Variants in PMPCA observed in about 807,000 individuals in gnomAD.
PMPCA encodes mitochondrial-processing peptidase subunit alpha.
In PMPCA, 47 loss-of-function variants were observed where a neutral mutation model predicts 59.3. The ratio of observed to expected loss-of-function variants is 0.79; its 90% CI spans 0.63 to 1.01. The LOEUF (loss-of-function observed/expected upper bound fraction) is 1.01, where lower values mean the gene tolerates loss of function less well. Ranked by LOEUF, PMPCA falls within the 50% of genes least tolerant of loss-of-function variation. PMPCA has a pLI of 0.00. For synonymous variants in PMPCA, 338 were observed against 290.3 expected (o/e 1.16, Z -1.67); for missense variants, 726 against 704.5 (o/e 1.03, Z -0.34).
At chr9:136,415,167 A>G (rs1250012202) in intron 5 of PMPCA, among the ~76,000 whole-genome samples, 2 of 152,106 alleles carry the variant, frequency 1.3e-5, no homozygotes, top group East Asian at 3.9e-4. Flanking sequence ...GCATTTAGGG[A>G]TGTAGAGATG....
chr9:136,421,142 G>T (rs10870163), intron 11 of PMPCA, among the ~76,000 whole-genome samples: 1 of 152,126 alleles, frequency 6.6e-6, no homozygotes, highest in Admixed American at 6.5e-5. Flanking sequence ...TGCGCCGGAG[G>T]CGTCTGGGGA....
chr9:136,422,948 G>T (rs1200418621), intron 12 of PMPCA, 147 bp from the exon 13 acceptor site: 1 of 1,443,868 alleles, frequency 6.9e-7, no homozygotes, highest in Non-Finnish European at 9.1e-7. Flanking sequence ...TACACCCAGT[G>T]GCTGCCTTTG....
intron 1 of PMPCA, 141 bp from the exon 2 acceptor site, chr9:136,411,856 C>T: frequency 1.5e-6 from 1 of 648,812 alleles, no homozygotes; most frequent in Non-Finnish European, 2.8e-6. Flanking sequence ...GCTTTGTCTT[C>T]CAAAGTCTGT....
intron 11 of PMPCA, among the ~76,000 whole-genome samples, chr9:136,421,560 C>T (rs1200935212): frequency 6.6e-6 from 1 of 152,098 alleles, no homozygotes; most frequent in African/African-American, 2.4e-5. Context: ...CAGGCGCCCG[C>T]CACCACGCCC....
Position 136,419,034 on chromosome 9 carries a change from T to C in PMPCA, c.1201-10T>C, listed in dbSNP as rs1835368835. 1.2e-6 allele frequency: 2 copies of C among 1,613,554 alleles called. No individual in the cohort carries two copies. Among genetic ancestry groups the C allele is most frequent in the African/African-American group, 2.7e-5 (2 of 74,930 alleles). On this transcript the variant is annotated splice_polypyrimidine_tract_variant and intron_variant, in intron 10 of 12. Coordinates refer to ENST00000371717, the MANE Select transcript of PMPCA (RefSeq NM_015160.3). ...AGGCCACACTGTTATCGTCTTGCCC[T>C]TCTTCGCAGGTTCGAGAAATGGTAG...
intron 4 of PMPCA, 45 bp from the exon 5 acceptor site, chr9:136,414,508 G>T (rs1211428815): frequency 1.5e-6 from 2 of 1,293,938 alleles, no homozygotes; most frequent in Non-Finnish European, 2.2e-6. Flanking sequence ...GTTAAGCAGA[G>T]TGTGAGTTCA....
In PMPCA at chr9:136,413,617, C is replaced by G. The variant is rs550033982; in HGVS notation, c.437+725C>G. ...CTAAAACAAGGCCTCTTAATACCCC[C>G]TGACTCCCAGCTGCCCCTGCCAGGT... is the stretch of plus-strand genomic sequence containing the variant. On this transcript the variant is annotated intron_variant, in intron 4 of 12. Transcript: ENST00000371717. 4.7e-3 allele frequency among the ~76,000 whole-genome samples: 710 copies of G among 152,304 alleles called. 8 individuals carry two copies. The highest frequency in any genetic ancestry group is 0.016 in the African/African-American group (672 of 41,564).
rs149519003 is a variant in PMPCA, at chr9:136,423,261, G to A, written c.1575G>A (p.Arg525=). The A allele has an allele frequency of 5.0e-5, 80 of 1,610,854 alleles. No individual in the cohort carries two copies. The highest frequency in any genetic ancestry group is 6.4e-5 in the Non-Finnish European group (76 of 1,178,788). ...TGCCCAGGACGTACCGGCTCTTCCGGTAGAACCGCTCCCCGGCCTGACAGA... is the reference window on the plus strand; with the variant it reads ...TGCCCAGGACGTACCGGCTCTTCCGATAGAACCGCTCCCCGGCCTGACAGA... ...GRLPRTYRLF[R] is the part of the protein sequence containing the mutation. The change falls in exon 13 of 13, where the codon CGG becomes CGA. Residue 525 remains arginine (R), a synonymous_variant. Coordinates refer to ENST00000371717, the MANE Select transcript of PMPCA (RefSeq NM_015160.3).
At chr9:136,422,901 G>C in intron 12 of PMPCA, 194 bp from the exon 13 acceptor site, 1 of 1,393,972 alleles carries the variant, frequency 7.2e-7, no homozygotes, top group Non-Finnish European at 9.3e-7. Flanking sequence ...CATTTACTGA[G>C]AACTCAACGT....
At position 136,418,554 on chromosome 9, in the gene PMPCA, G is replaced by A. The variant is rs1835350252; in HGVS notation, c.991-1G>A. Reference sequence around the variant, plus strand: ...GCCAGCTCTGCCCTCCGTCCCTGCAGGAGGAGGACTTCATCCCCTTTGCAG... The same window carrying A: ...GCCAGCTCTGCCCTCCGTCCCTGCAAGAGGAGGACTTCATCCCCTTTGCAG... On this transcript the variant is annotated splice_acceptor_variant, in intron 8 of 12. Transcript: ENST00000371717. LOFTEE classifies it high-confidence loss of function. 1.3e-6 allele frequency: 2 copies of A among 1,596,800 alleles called. No homozygotes were observed. Among genetic ancestry groups the A allele is most frequent in the Non-Finnish European group, 1.7e-6 (2 of 1,164,248 alleles).
intron 11 of PMPCA, chr9:136,421,077 C>T (rs1040361786): frequency 1.3e-5 from 2 of 152,266 alleles, no homozygotes; most frequent in Admixed American, 6.5e-5. Context: ...CTAGGACCCG[C>T]ACTGCCTCCC....
At chr9:136,422,045 C>A in intron 12 of PMPCA, 69 bp downstream of exon 12, 1 of 1,554,790 alleles carries the variant, frequency 6.4e-7, no homozygotes, top group South Asian at 1.2e-5. Context: ...CCGTCTCGCC[C>A]TCCCGCAGGC....
Position 136,418,593 on chromosome 9 carries a change from G to C in PMPCA, c.1029G>C (p.Met343Ile). The change falls in exon 9 of 13, where the codon ATG becomes ATC. Residue 343 changes from methionine to isoleucine, a missense_variant. Coordinates refer to ENST00000371717, the MANE Select transcript of PMPCA (RefSeq NM_015160.3). ...DFIPFAVLNMMMGGGGSFSAG... is the reference protein window; with the variant it reads ...DFIPFAVLNMIMGGGGSFSAG... The stretch of plus-strand genomic sequence containing the variant: ...TCCCCTTTGCAGTGTTGAACATGAT[G>C]ATGGGCGGAGGTGGCTCCTTCTCGG... The C allele has an allele frequency of 6.2e-7, 1 of 1,613,886 alleles. No homozygotes were observed. Among genetic ancestry groups the C allele is most frequent in the Admixed American group, 1.7e-5 (1 of 60,028 alleles).
chr9:136,414,298 G>A (rs963267190), intron 4 of PMPCA, among the ~76,000 whole-genome samples: 1 of 152,244 alleles, frequency 6.6e-6, no homozygotes, highest in Non-Finnish European at 1.5e-5. Flanking sequence ...GGGGAAAAGT[G>A]TCTGCTGTTC....
intron 1 of PMPCA, chr9:136,410,976 C>T (rs1835086445): frequency 5.1e-6 from 2 of 393,556 alleles, no homozygotes; most frequent in Non-Finnish European, 9.0e-6. Flanking sequence ...CCCTCACTTC[C>T]CGGGTCGACG....
intron 12 of PMPCA, chr9:136,422,271 A>AGTTAGTAGGC: frequency 7.6e-7 from 1 of 1,318,598 alleles, no homozygotes; most frequent in Non-Finnish European, 9.8e-7. Flanking sequence ...AGAGCACTCA[A>AGTTAGTAGGC]GTTAGTAGGC....
intron 11 of PMPCA, chr9:136,419,420 T>C: frequency 2.0e-6 from 1 of 495,960 alleles, no homozygotes; most frequent in Non-Finnish European, 3.7e-6. Flanking sequence ...CATGTGACTC[T>C]CTCAGCTTTG....
rs1038355921 is a variant in PMPCA, at chr9:136,422,879, T to C, written c.1409-216T>C. On this transcript the variant is annotated intron_variant, in intron 12 of 12. Transcript: ENST00000371717. Reference sequence around the variant, plus strand: ...GGCTTTGTCCTATATTTTTAAGTCATTGCCATGTCCCCATTTACTGAGAAC... The same window carrying C: ...GGCTTTGTCCTATATTTTTAAGTCACTGCCATGTCCCCATTTACTGAGAAC... The C allele has an allele frequency of 4.4e-6, 6 of 1,377,850 alleles. No homozygotes were observed. The Admixed American group carries it at 1.2e-4, about 28-fold the overall frequency. 85.4% of individuals were successfully genotyped at this position (1,377,850 alleles called of 1,614,324 possible).
At chr9:136,417,404 C>T (rs913604498) in intron 7 of PMPCA, among the ~76,000 whole-genome samples, 190 bp downstream of exon 7, 2 of 152,052 alleles carry the variant, frequency 1.3e-5, no homozygotes, top group African/African-American at 4.8e-5. Context: ...GCTGCTAGGC[C>T]TGAGAGCAAC....
Sources: allele counts gnomAD v4.1 joint callset (sites outside exome capture counted in the v4.1 genomes callset), GRCh38; gene constraint gnomAD v4.1.1; transcripts MANE v1.5; gene names NCBI Gene and HGNC (gene_info 2026-07-23, HGNC 2026-07-21).